Variants in CDH13 observed in about 807,000 individuals in gnomAD.
CDH13 encodes the protein cadherin-13.
CDH13 carries 24 observed loss-of-function variants against 63.8 expected under a neutral mutation model. The observed-to-expected ratio is 0.38, with a 90% confidence interval of 0.27 to 0.53. CDH13 has a LOEUF of 0.53. Among genes scored for constraint, CDH13 ranks in the 20% least tolerant of loss-of-function variants. CDH13 has a pLI of 0.85. For missense variants in CDH13, 1,049 were observed against 903.1 expected, an observed-to-expected ratio of 1.16 and a Z score of -2.07; for synonymous variants, 503 against 355.3, an observed-to-expected ratio of 1.42 and a Z score of -4.67.
At position 82,777,256 on chromosome 16, in the gene CDH13, A is replaced by C. The variant is rs973440841; in HGVS notation, c.46-81106A>C. On this transcript the variant is annotated intron_variant, in intron 1 of 13. Coordinates refer to ENST00000567109, the MANE Select transcript of CDH13 (RefSeq NM_001257.5). ...AGTGCTAGGATTACAGGCACGAGCC[A>C]CTGTGCCCAAAAGTTAAGATTCTTG... Among the ~76,000 whole-genome samples the C allele has an allele frequency of 1.8e-4, 27 of 152,242 alleles. 1 individual carries two copies. The highest frequency in any genetic ancestry group is 1.5e-5 in the Non-Finnish European group (1 of 68,036).
chr16:83,539,426 G>C (rs2075258570), intron 7 of CDH13, among the ~76,000 whole-genome samples: 1 of 152,200 alleles, frequency 6.6e-6, no homozygotes, highest in African/African-American at 2.4e-5. Flanking sequence ...CCATGGACCA[G>C]CACTGGTGTG....
At position 83,071,677 on chromosome 16, in the gene CDH13, T is replaced by A. The variant is rs371992066; in HGVS notation, c.366+39459T>A. ...TGGACTGAATAGTTGTTTCAAGTCA[T>A]AAACATAGAAAAGTAAGTTGATAGG... On this transcript the variant is annotated intron_variant, in intron 3 of 13. Coordinates refer to ENST00000567109, the MANE Select transcript of CDH13 (RefSeq NM_001257.5). Among the ~76,000 whole-genome samples the A allele has an allele frequency of 8.4e-4, 128 of 152,312 alleles. 1 individual carries two copies. Among genetic ancestry groups the A allele is most frequent in the African/African-American group, 2.7e-3 (114 of 41,580 alleles).
At chr16:82,840,512 G>C (rs928962632) in intron 1 of CDH13, among the ~76,000 whole-genome samples, 4 of 151,532 alleles carry the variant, frequency 2.6e-5, no homozygotes, top group African/African-American at 7.3e-5. Flanking sequence ...GTGAAACCTC[G>C]TCTCTACTAA....
chr16:83,675,608 A>C (rs1448419818), intron 9 of CDH13, among the ~76,000 whole-genome samples: 3 of 152,144 alleles, frequency 2.0e-5, no homozygotes, highest in African/African-American at 7.2e-5. Context: ...TCCATGGGAA[A>C]TATTCAACAT....
At chr16:83,750,527 C>T (rs2060477949) in intron 11 of CDH13, among the ~76,000 whole-genome samples, 1 of 152,130 alleles carries the variant, frequency 6.6e-6, no homozygotes, top group Non-Finnish European at 1.5e-5. Context: ...TGGAAGCAGG[C>T]TTGTTGCGGA....
chr16:82,906,845 C>G (rs1158785534), intron 2 of CDH13, among the ~76,000 whole-genome samples: 3 of 152,170 alleles, frequency 2.0e-5, no homozygotes, highest in African/African-American at 7.2e-5. Flanking sequence ...CTTCCATTGT[C>G]TCATGACCTC....
At chr16:82,993,164 C>G (rs1399396473) in intron 2 of CDH13, among the ~76,000 whole-genome samples, 1 of 152,142 alleles carries the variant, frequency 6.6e-6, no homozygotes, top group Non-Finnish European at 1.5e-5. Context: ...CCCTCGATAT[C>G]TGTTTCCTTC....
chr16:83,077,098 A>T (rs1415794018), intron 3 of CDH13, among the ~76,000 whole-genome samples: 1 of 151,702 alleles, frequency 6.6e-6, no homozygotes, highest in Non-Finnish European at 1.5e-5. Context: ...ATATGAATGA[A>T]ATCGTATGGT....
At chr16:83,166,950 T>A (rs1309610001) in intron 4 of CDH13, among the ~76,000 whole-genome samples, 2 of 152,154 alleles carry the variant, frequency 1.3e-5, no homozygotes, top group African/African-American at 2.4e-5. Flanking sequence ...TGCCTAAGAT[T>A]CTAGGAGAGA....
intron 8 of CDH13, among the ~76,000 whole-genome samples, chr16:83,656,897 C>G (rs747042652): frequency 6.6e-6 from 1 of 152,190 alleles, no homozygotes; most frequent in African/African-American, 2.4e-5. Context: ...ATCGACACTG[C>G]TGGTGGCTTA....
intron 4 of CDH13, among the ~76,000 whole-genome samples, chr16:83,152,623 A>G (rs1021677016): frequency 2.0e-5 from 3 of 152,170 alleles, no homozygotes; most frequent in Non-Finnish European, 4.4e-5. Flanking sequence ...CAGGTTTCAG[A>G]GTAAAAGAGG....
chr16:83,338,578 C>T (rs1160784495), intron 5 of CDH13, among the ~76,000 whole-genome samples: 1 of 152,200 alleles, frequency 6.6e-6, no homozygotes, highest in African/African-American at 2.4e-5. Flanking sequence ...GGAAGTGTTA[C>T]AAAGCAAGGA....
At chr16:82,964,020 T>C (rs1907440656) in intron 2 of CDH13, among the ~76,000 whole-genome samples, 1 of 152,138 alleles carries the variant, frequency 6.6e-6, no homozygotes, top group Admixed American at 6.5e-5. Flanking sequence ...AGCTGCGGGC[T>C]TTTGAGACCT....
intron 10 of CDH13, among the ~76,000 whole-genome samples, chr16:83,743,275 C>T (rs1004567417): frequency 6.6e-6 from 1 of 152,090 alleles, no homozygotes; most frequent in African/African-American, 2.4e-5. Context: ...AGTTAAATAG[C>T]ACAGCTCTGG....
chr16:82,793,966 AG>A (rs2036448955), intron 1 of CDH13, among the ~76,000 whole-genome samples: 1 of 152,078 alleles, frequency 6.6e-6, no homozygotes, highest in Admixed American at 6.5e-5. Context: ...GGGTGGAAAT[AG>A]CCTGGATGCA....
At chr16:83,510,404 A>C (rs2074529347) in intron 7 of CDH13, among the ~76,000 whole-genome samples, 1 of 152,198 alleles carries the variant, frequency 6.6e-6, no homozygotes, top group African/African-American at 2.4e-5. Flanking sequence ...GCAGCCCACA[A>C]AATGATAGAG....
intron 5 of CDH13, among the ~76,000 whole-genome samples, chr16:83,267,637 T>A (rs1488974523): frequency 6.6e-6 from 1 of 152,104 alleles, no homozygotes; most frequent in Non-Finnish European, 1.5e-5. Flanking sequence ...AAGGATGAGT[T>A]CGGCCCCCTT....
chr16:83,120,587 T>C (rs2035520975), intron 3 of CDH13, among the ~76,000 whole-genome samples: 1 of 152,172 alleles, frequency 6.6e-6, no homozygotes, highest in African/African-American at 2.4e-5. Context: ...TTAAAGTGTT[T>C]CTCTAGACCA....
At chr16:83,762,353 C>G (rs74840552) in intron 11 of CDH13, among the ~76,000 whole-genome samples, 5,744 of 151,914 alleles carry the variant, frequency 0.038, 111 homozygotes, top group South Asian at 0.071. Context: ...CTTCAATGAA[C>G]ACAGAATTGC....
Sources: allele counts gnomAD v4.1 joint callset (sites outside exome capture counted in the v4.1 genomes callset), GRCh38; gene constraint gnomAD v4.1.1; transcripts MANE v1.5; gene names NCBI Gene and HGNC (gene_info 2026-07-23, HGNC 2026-07-21).